ANKRD52: variants seen among roughly 807,000 people sequenced by gnomAD.
ANKRD52 encodes ankyrin repeat domain 52.
A neutral mutation model predicts 116.0 loss-of-function variants in ANKRD52; 7 were observed. That is an observed-to-expected ratio of 0.06 (90% confidence interval 0.03 to 0.11). The LOEUF (loss-of-function observed/expected upper bound fraction) is 0.11. Ranked by LOEUF, ANKRD52 falls within the 10% of genes least tolerant of loss-of-function variation. ANKRD52 has a pLI of 1.00. For missense variants in ANKRD52, 839 were observed against 1,408.6 expected, an observed-to-expected ratio of 0.60 and a Z score of 6.47; for synonymous variants, 528 against 578.1, an observed-to-expected ratio of 0.91 and a Z score of 1.24.
rs2135877120 is a variant in ANKRD52 at position 56,243,663 on chromosome 12, C to A, written c.2980+122G>T. On this transcript the variant is annotated intron_variant, in intron 27 of 27. Coordinates refer to ENST00000267116, the MANE Select transcript of ANKRD52 (RefSeq NM_173595.4). This position sits in a 1 kb window ranked among gnomAD's most constrained non-coding sequence, Gnocchi z 4.6. ...GACTCCAGAGTACTGGTGTGGGCTC[C>A]CTGCTCTGAAGAGTTCCCTTGGGAA... 8.9e-7 allele frequency: 1 copy of A among 1,127,900 alleles called. No individual in the cohort carries two copies. The highest frequency in any genetic ancestry group is 2.0e-4 in the Middle Eastern group (1 of 5,030). 69.9% of individuals were successfully genotyped at this position (1,127,900 alleles called of 1,614,324 possible). A position where few individuals can be genotyped will look rare whatever the true frequency, so the allele number is the denominator to read the frequency against.
intron 15 of ANKRD52, among the ~76,000 whole-genome samples, chr12:56,250,716 C>G (rs1318354655): frequency 6.9e-6 from 1 of 144,704 alleles, no homozygotes; most frequent in Non-Finnish European, 1.5e-5. Context: ...AGATCCCTGA[C>G]CTACAAAATA....
At position 56,252,869 on chromosome 12, in the gene ANKRD52, G is replaced by C. The variant is rs2069720385; in HGVS notation, c.1212C>G (p.Leu404=). 6.2e-7 allele frequency: 1 copy of C among 1,613,858 alleles called. No individual in the cohort carries two copies. Among genetic ancestry groups the C allele is most frequent in the Non-Finnish European group, 8.5e-7 (1 of 1,179,890 alleles). Residue 404 remains leucine, a synonymous_variant, in exon 12 of 28, where the codon CTC becomes CTG. Coordinates refer to ENST00000267116, the MANE Select transcript of ANKRD52 (RefSeq NM_173595.4). The surrounding 1 kb of genome is among the most constrained non-coding windows in gnomAD (Gnocchi z 4.7). ...CAGCTGAAAGCACATGCTCATTGCT[G>C]AGTGAAGACACAATGCTGTACAACT... ...SGQLYSIVSS[L]SNEHVLSAGF...
In ANKRD52 at chr12:56,241,452, C is replaced by T. The variant is rs1401345559; in HGVS notation, c.*1690G>A. 6.6e-6 allele frequency: 1 copy of T among 152,052 alleles called. No homozygotes were observed. The highest frequency in any genetic ancestry group is 2.4e-5 in the African/African-American group (1 of 41,390). 9.4% of individuals were successfully genotyped at this position (152,052 alleles called of 1,614,324 possible). ...CCCACCCTTGACAAGGGTGGCAAGA[C>T]ATTCAGGGTATACAACTAAAAGATG... is the stretch of plus-strand genomic sequence containing the variant. On this transcript the variant is annotated 3_prime_UTR_variant, in exon 28 of 28. Coordinates refer to ENST00000267116, the MANE Select transcript of ANKRD52 (RefSeq NM_173595.4).
Position 56,253,732 on chromosome 12 carries a change from G to A in ANKRD52, c.975C>T (p.Leu325=). Residue 325 remains leucine, a synonymous_variant, in exon 9 of 28, where the codon CTC becomes CTT. Transcript: ENST00000267116. The surrounding 1 kb of genome is among the most constrained non-coding windows in gnomAD (Gnocchi z 5.5). ...CTCCCAGGTCCATACCATTCTGGAT[G>A]AGGATCTGGGAGCGTGTGAAACGGC... ...IHGRFTRSQI[L]IQNGSEIDCA... 6.2e-7 allele frequency: 1 copy of A among 1,613,858 alleles called. No homozygotes were observed.
chr12:56,239,732 A>T lies in ANKRD52; in HGVS notation c.*3410T>A, dbSNP rs1002694895. On this transcript the variant is annotated 3_prime_UTR_variant, in exon 28 of 28. Transcript: ENST00000267116. ...TGGGGATACAGCTGTAGAACCGTTC[A>T]CTCTGGCCCCATCCACCCCACCTCC... 2 of 151,910 alleles carry T rather than the reference A, an allele frequency of 1.3e-5. No individual in the cohort carries two copies. The highest frequency in any genetic ancestry group is 4.8e-5 in the African/African-American group (2 of 41,306). 9.4% of individuals were successfully genotyped at this position (151,910 alleles called of 1,614,324 possible). A position where few individuals can be genotyped will look rare whatever the true frequency, so the allele number is the denominator to read the frequency against.
rs963867625 is a variant in ANKRD52, at chr12:56,240,055, G to C, written c.*3087C>G. ...ACAAAAGGAGAAGCCCCCTCCCCCA[G>C]GGGCTGCTCCCCACCCCAACCTGGG... is the stretch of plus-strand genomic sequence containing the variant. On this transcript the variant is annotated 3_prime_UTR_variant, in exon 28 of 28. Coordinates refer to ENST00000267116, the MANE Select transcript of ANKRD52 (RefSeq NM_173595.4). The surrounding 1 kb of genome is among the most constrained non-coding windows in gnomAD (Gnocchi z 4.2). 2.6e-5 allele frequency: 4 copies of C among 151,956 alleles called. No homozygotes were observed. The highest frequency in any genetic ancestry group is 9.7e-5 in the African/African-American group (4 of 41,342). 9.4% of individuals were successfully genotyped at this position (151,956 alleles called of 1,614,324 possible).
Position 56,254,325 on chromosome 12 carries a change from G to A in ANKRD52, c.694-46C>T, listed in dbSNP as rs1871842557. 1.3e-6 allele frequency: 2 copies of A among 1,581,924 alleles called. No individual in the cohort carries two copies. Among genetic ancestry groups the A allele is most frequent in the Non-Finnish European group, 1.7e-6 (2 of 1,156,946 alleles). ...GTAAGGTGGTATCAGTTTAAACAAAGTAGAAGCCAGCACATGTAGCCTCCA... is the reference window on the plus strand; with the variant it reads ...GTAAGGTGGTATCAGTTTAAACAAAATAGAAGCCAGCACATGTAGCCTCCA... On this transcript the variant is annotated intron_variant, in intron 7 of 27. Coordinates refer to ENST00000267116, the MANE Select transcript of ANKRD52 (RefSeq NM_173595.4). The surrounding 1 kb of genome is among the most constrained non-coding windows in gnomAD (Gnocchi z 4.6).
Position 56,237,810 on chromosome 12 carries a change from G to A in ANKRD52, c.*5332C>T. On this transcript the variant is annotated 3_prime_UTR_variant, in exon 28 of 28. Transcript: ENST00000267116. ...TGGAGGCGGGACACAGGGCCAGTAG[G>A]AGCAATAGGATTTTAATAAACAGAA... 7 of 1,443,174 alleles carry A rather than the reference G, an allele frequency of 4.9e-6. No individual in the cohort carries two copies. Among genetic ancestry groups the A allele is most frequent in the Non-Finnish European group, 6.4e-6 (7 of 1,086,682 alleles). 89.4% of individuals were successfully genotyped at this position (1,443,174 alleles called of 1,614,324 possible).
rs1233367561 is a variant in ANKRD52 at position 56,254,457 on chromosome 12, T to C, written c.693+121A>G. ...AGGTAAGCATTATTCAGACCCTCTC[T>C]ACCACGTCCTTCCAACTTCCCAAAA... is the stretch of plus-strand genomic sequence containing the variant. On this transcript the variant is annotated intron_variant, in intron 7 of 27. Transcript: ENST00000267116. The surrounding 1 kb of genome is among the most constrained non-coding windows in gnomAD (Gnocchi z 4.6). 8.7e-6 allele frequency: 13 copies of C among 1,489,336 alleles called. No individual in the cohort carries two copies. The highest frequency in any genetic ancestry group is 1.1e-5 in the Non-Finnish European group (12 of 1,108,180). The allele number at this position is 1,489,336 out of a possible 1,614,324, so 92.3% of individuals were successfully genotyped here. A position where few individuals can be genotyped will look rare whatever the true frequency, so the allele number is the denominator to read the frequency against.
Position 56,252,368 on chromosome 12 carries a change from G to A in ANKRD52, c.1371-53C>T, listed in dbSNP as rs1244594670. On this transcript the variant is annotated intron_variant, in intron 13 of 27. Coordinates refer to ENST00000267116, the MANE Select transcript of ANKRD52 (RefSeq NM_173595.4). This position sits in a 1 kb window ranked among gnomAD's most constrained non-coding sequence, Gnocchi z 4.7. Reference sequence around the variant, plus strand: ...AAGAGAATCAGAGACAGATACGAATGCAATCAGATGTGCAGCCAAATGCTG... The same window carrying A: ...AAGAGAATCAGAGACAGATACGAATACAATCAGATGTGCAGCCAAATGCTG... 1.2e-6 allele frequency: 2 copies of A among 1,607,554 alleles called. No individual in the cohort carries two copies. Among genetic ancestry groups the A allele is most frequent in the Non-Finnish European group, 1.7e-6 (2 of 1,174,706 alleles).
chr12:56,257,763 G>A (rs1211724609), intron 2 of ANKRD52, 65 bp downstream of exon 2: 1 of 1,499,850 alleles, frequency 6.7e-7, no homozygotes, highest in Non-Finnish European at 9.2e-7. Context: ...CCCCACCGGT[G>A]GGGAGGGGTC....
rs1565612390 is a variant in ANKRD52 at position 56,254,850 on chromosome 12, T to C, written c.550+15A>G. On this transcript the variant is annotated intron_variant, in intron 6 of 27. Transcript: ENST00000267116. The surrounding 1 kb of genome is among the most constrained non-coding windows in gnomAD (Gnocchi z 4.6). ...AAATGTCAAATTTCTGATTTTCCCG[T>C]GTATTCTCTCTCACCTAGAAAAGCT... is the stretch of plus-strand genomic sequence containing the variant. 1.2e-6 allele frequency: 2 copies of C among 1,610,208 alleles called. No individual in the cohort carries two copies. The highest frequency in any genetic ancestry group is 1.7e-6 in the Non-Finnish European group (2 of 1,176,706).
chr12:56,244,955 G>C lies in ANKRD52; in HGVS notation c.2527C>G (p.Leu843Val), dbSNP rs1279403027. The C allele has an allele frequency of 6.2e-7, 1 of 1,613,996 alleles. No homozygotes were observed. Among genetic ancestry groups the C allele is most frequent in the Non-Finnish European group, 8.5e-7 (1 of 1,179,888 alleles). The change falls in exon 23 of 28, where the codon CTG (leucine) becomes GTG (valine). Residue 843 changes from leucine to valine, a missense_variant. Leu to Val is a conservative substitution (Grantham distance 32, BLOSUM62 1). Transcript: ENST00000267116. The surrounding 1 kb of genome is among the most constrained non-coding windows in gnomAD (Gnocchi z 4.9). The stretch of plus-strand genomic sequence containing the variant: ...ACAATCTTGGCACCCAGAGCTCCCA[G>C]TAGCATCTCTGTGGTGCTGTCTTGG... ...NNQDSTTEMLLGALGAKIVNS... is the reference protein window; with the variant it reads ...NNQDSTTEMLVGALGAKIVNS...
Position 56,258,367 on chromosome 12 carries a change from C to A in ANKRD52, c.-98G>T, listed in dbSNP as rs1022347709. 3 of 1,279,826 alleles carry A rather than the reference C, an allele frequency of 2.3e-6. No homozygotes were observed. The highest frequency in any genetic ancestry group is 4.2e-5 in the Admixed American group (1 of 23,620). The allele number at this position is 1,279,826 out of a possible 1,614,324, so 79.3% of individuals were successfully genotyped here. A position where few individuals can be genotyped will look rare whatever the true frequency, so the allele number is the denominator to read the frequency against. On this transcript the variant is annotated 5_prime_UTR_variant, in exon 1 of 28. Coordinates refer to ENST00000267116, the MANE Select transcript of ANKRD52 (RefSeq NM_173595.4). ...GCCCAGGCGGCGGCTGCGGTGGCGG[C>A]TGCAGGGAGAGCGCGGCCCCGCCTA...
chr12:56,253,886 T>A lies in ANKRD52; in HGVS notation c.907-86A>T. 3 of 1,474,338 alleles carry A rather than the reference T, an allele frequency of 2.0e-6. No homozygotes were observed. Among genetic ancestry groups the A allele is most frequent in the Non-Finnish European group, 2.8e-6 (3 of 1,061,314 alleles). 91.3% of individuals were successfully genotyped at this position (1,474,338 alleles called of 1,614,324 possible). A position where few individuals can be genotyped will look rare whatever the true frequency, so the allele number is the denominator to read the frequency against. On this transcript the variant is annotated intron_variant, in intron 8 of 27. Coordinates refer to ENST00000267116, the MANE Select transcript of ANKRD52 (RefSeq NM_173595.4). The surrounding 1 kb of genome is among the most constrained non-coding windows in gnomAD (Gnocchi z 5.5). ...GCCCTACCTCCCTTCCAAGGACATA[T>A]CTCTAAGGACAAAAGGGTCATATGG...
chr12:56,253,883 A>AT lies in ANKRD52; in HGVS notation c.907-84dup. 6.7e-7 allele frequency: 1 copy of AT among 1,486,700 alleles called. No individual in the cohort carries two copies. Among genetic ancestry groups the AT allele is most frequent in the Admixed American group, 1.7e-5 (1 of 57,218 alleles). The allele number at this position is 1,486,700 out of a possible 1,614,324, so 92.1% of individuals were successfully genotyped here. The stretch of plus-strand genomic sequence containing the variant: ...AATGCCCTACCTCCCTTCCAAGGAC[A>AT]TATCTCTAAGGACAAAAGGGTCATA... On this transcript the variant is annotated intron_variant, in intron 8 of 27. Coordinates refer to ENST00000267116, the MANE Select transcript of ANKRD52 (RefSeq NM_173595.4). The surrounding 1 kb of genome is among the most constrained non-coding windows in gnomAD (Gnocchi z 5.5).
intron 2 of ANKRD52, 80 bp downstream of exon 2, chr12:56,257,748 A>C: frequency 1.4e-6 from 2 of 1,381,478 alleles, no homozygotes; most frequent in Non-Finnish European, 2.0e-6. Context: ...GGAGACACGG[A>C]GCCGCCCCAC....
intron 4 of ANKRD52, among the ~76,000 whole-genome samples, chr12:56,256,500 G>A (rs906738053): frequency 1.8e-4 from 28 of 152,124 alleles, no homozygotes; most frequent in African/African-American, 6.3e-4. Flanking sequence ...CACTGGCCTC[G>A]GCCCCTCCCC....
Position 56,257,905 on chromosome 12 carries a change from G to A in ANKRD52, c.34C>T (p.Leu12=), listed in dbSNP as rs773691066. ...GILSITDQPP[L]VQAIFSRDVE... ...TCTCGGCTAAAGATGGCCTGGACCAGGGGCGGCTGCAGAGAGAACCGGCAT... is the reference window on the plus strand; with the variant it reads ...TCTCGGCTAAAGATGGCCTGGACCAAGGGCGGCTGCAGAGAGAACCGGCAT... The change falls in exon 2 of 28, where the codon CTG becomes TTG. Residue 12 remains leucine, a synonymous_variant. Coordinates refer to ENST00000267116, the MANE Select transcript of ANKRD52 (RefSeq NM_173595.4). 2 of 1,613,574 alleles carry A rather than the reference G, an allele frequency of 1.2e-6. No individual in the cohort carries two copies. The highest frequency in any genetic ancestry group is 1.7e-6 in the Non-Finnish European group (2 of 1,179,756).
Sources: gnomAD v4.1 joint callset for allele counts (sites outside exome capture counted in the v4.1 genomes callset) on GRCh38, gnomAD v4.1.1 for gene constraint, Gnocchi (gnomAD v3.1) non-coding constraint, MANE v1.5 for transcripts, NCBI Gene and HGNC (gene_info 2026-07-23, HGNC 2026-07-21) for gene names.